CDKAL1: variants seen among roughly 807,000 people sequenced by gnomAD.
CDKAL1 encodes the protein threonylcarbamoyladenosine tRNA methylthiotransferase.
Under a neutral mutation model 68.2 loss-of-function variants are expected in CDKAL1, and 32 were observed. The observed-to-expected ratio is 0.47, with a 90% CI of 0.35 to 0.63. The LOEUF is 0.63. Among genes scored for constraint, CDKAL1 ranks in the 30% least tolerant of loss-of-function variants. CDKAL1 has a pLI of 0.00. For missense variants in CDKAL1, 606 were observed against 696.7 expected, an observed-to-expected ratio of 0.87 and a Z score of 1.47; for synonymous variants, 234 against 244.3, an observed-to-expected ratio of 0.96 and a Z score of 0.39.
intron 10 of CDKAL1, among the ~76,000 whole-genome samples, chr6:20,992,031 C>T (rs200876305): frequency 1.5e-3 from 155 of 100,368 alleles, no homozygotes; most frequent in African/African-American, 4.9e-3. Context: ...TTTTTCTTTT[C>T]TTTTTTTTTT....
chr6:20,758,715 A>G, intron 7 of CDKAL1, 72 bp downstream of exon 7: 2 of 1,036,114 alleles, frequency 1.9e-6, no homozygotes, highest in Admixed American at 2.4e-5. Context: ...CACTCAGGTA[A>G]CTCTTGCCAG....
chr6:20,724,558 AAAG>A (rs1421490740), intron 5 of CDKAL1, among the ~76,000 whole-genome samples: 1 of 152,166 alleles, frequency 6.6e-6, no homozygotes, highest in African/African-American at 2.4e-5. Context: ...TCTACTTAAA[AAAG>A]AAAAAAAAAG....
chr6:21,000,436 A>G (rs1306957066), intron 11 of CDKAL1, 64 bp downstream of exon 11: 3 of 1,421,884 alleles, frequency 2.1e-6, no homozygotes, highest in African/African-American at 1.4e-5. Context: ...TGTGGCAAAA[A>G]TGCACTTATT....
At chr6:20,657,448 A>G (rs915943375) in intron 5 of CDKAL1, among the ~76,000 whole-genome samples, 3 of 152,052 alleles carry the variant, frequency 2.0e-5, no homozygotes, top group Non-Finnish European at 2.9e-5. Flanking sequence ...GTGTGTCATC[A>G]TCTCTCGATC....
chr6:21,204,246 G>A (rs763121081), intron 15 of CDKAL1, among the ~76,000 whole-genome samples: 101 of 152,070 alleles, frequency 6.6e-4, no homozygotes, highest in Non-Finnish European at 1.1e-3. Flanking sequence ...AAGCATACAC[G>A]AAAGTAGAGA....
chr6:20,681,285 C>CAT (rs1562021633), intron 5 of CDKAL1, among the ~76,000 whole-genome samples: 1 of 152,206 alleles, frequency 6.6e-6, no homozygotes, highest in Non-Finnish European at 1.5e-5. Flanking sequence ...CAGCAACAGT[C>CAT]ATATGTATGC....
intron 13 of CDKAL1, among the ~76,000 whole-genome samples, chr6:21,176,109 A>G (rs1159897124): frequency 6.6e-6 from 1 of 152,182 alleles, no homozygotes; most frequent in African/African-American, 2.4e-5. Flanking sequence ...ATATTTGTAA[A>G]TTGCTTACTA....
intron 5 of CDKAL1, among the ~76,000 whole-genome samples, chr6:20,724,723 T>C (rs757987595): frequency 6.6e-6 from 1 of 152,138 alleles, no homozygotes; most frequent in Non-Finnish European, 1.5e-5. Context: ...ACAAATTCAT[T>C]TGGCTGTGTC....
At chr6:20,649,213 C>A in intron 4 of CDKAL1, 80 bp from the exon 5 acceptor site, 1 of 908,444 alleles carries the variant, frequency 1.1e-6, no homozygotes, top group Non-Finnish European at 1.8e-6. Flanking sequence ...TCCCCTACCG[C>A]AGCAATCCCA....
chr6:21,227,159 C>T lies in CDKAL1; in HGVS notation c.1549-3689C>T, dbSNP rs372452348. On this transcript the variant is annotated intron_variant, in intron 15 of 15. Coordinates refer to ENST00000274695, the MANE Select transcript of CDKAL1 (RefSeq NM_017774.3). ...AGCCTCTGTTTACTTTCTAGAACTACGCTTGTCGTGTGTGTGTCGACTTTT... is the reference window on the plus strand; with the variant it reads ...AGCCTCTGTTTACTTTCTAGAACTATGCTTGTCGTGTGTGTGTCGACTTTT... 5.3e-5 allele frequency among the ~76,000 whole-genome samples: 8 copies of T among 152,350 alleles called. No individual in the cohort carries two copies. The East Asian group carries it at 5.8e-4, about 11-fold the overall frequency.
chr6:20,829,687 AT>A (rs985138916), intron 8 of CDKAL1, among the ~76,000 whole-genome samples: 1 of 152,190 alleles, frequency 6.6e-6, no homozygotes, highest in African/African-American at 2.4e-5. Flanking sequence ...CAAATGTTTT[AT>A]TTTAGGTCCT....
intron 5 of CDKAL1, among the ~76,000 whole-genome samples, chr6:20,702,633 A>G (rs1771419442): frequency 6.6e-6 from 1 of 151,746 alleles, no homozygotes. Flanking sequence ...GCCCCTCTGG[A>G]CGTCCTCTCG....
At chr6:21,170,454 C>T (rs542296311) in intron 13 of CDKAL1, among the ~76,000 whole-genome samples, 1 of 151,952 alleles carries the variant, frequency 6.6e-6, no homozygotes, top group Non-Finnish European at 1.5e-5. Flanking sequence ...CTTAGCCGCC[C>T]GAGTAGCTGG....
chr6:20,741,870 T>C (rs1773474603), intron 6 of CDKAL1, among the ~76,000 whole-genome samples: 1 of 152,164 alleles, frequency 6.6e-6, no homozygotes, highest in Non-Finnish European at 1.5e-5. Context: ...CTTTTAGCTC[T>C]CTGAGGAGTT....
intron 9 of CDKAL1, among the ~76,000 whole-genome samples, chr6:20,857,128 G>T (rs555876486): frequency 6.6e-6 from 1 of 152,262 alleles, no homozygotes; most frequent in Non-Finnish European, 1.5e-5. Context: ...CTTTTTATTT[G>T]TTGTTCTCAG....
chr6:20,750,730 G>A (rs1330311086), intron 6 of CDKAL1, among the ~76,000 whole-genome samples: 1 of 152,014 alleles, frequency 6.6e-6, no homozygotes, highest in Non-Finnish European at 1.5e-5. Context: ...TTGGGAGGCC[G>A]AGGCGGGCAG....
chr6:20,726,902 A>G (rs1462917944), intron 5 of CDKAL1, among the ~76,000 whole-genome samples: 2 of 152,194 alleles, frequency 1.3e-5, no homozygotes, highest in Non-Finnish European at 1.5e-5. Context: ...GAATTTCACT[A>G]TCTATATCAA....
At chr6:20,747,590 A>G (rs1165154482) in intron 6 of CDKAL1, among the ~76,000 whole-genome samples, 1 of 152,128 alleles carries the variant, frequency 6.6e-6, no homozygotes, top group Non-Finnish European at 1.5e-5. Flanking sequence ...TGTTGACCAC[A>G]TTTTTATATA....
At chr6:20,702,153 C>T (rs1002966376) in intron 5 of CDKAL1, among the ~76,000 whole-genome samples, 3 of 152,192 alleles carry the variant, frequency 2.0e-5, no homozygotes, top group African/African-American at 7.2e-5. Context: ...TTGTCCCCCT[C>T]GCAGGGCGTG....
Sources: gnomAD v4.1 joint callset for allele counts (sites outside exome capture counted in the v4.1 genomes callset) on GRCh38, gnomAD v4.1.1 for gene constraint, MANE v1.5 for transcripts, NCBI Gene and HGNC (gene_info 2026-07-23, HGNC 2026-07-21) for gene names.